Variants in SLC24A2 observed in about 807,000 individuals in gnomAD.
SLC24A2 encodes sodium/potassium/calcium exchanger 2.
A neutral mutation model predicts 62.0 loss-of-function variants in SLC24A2; 36 were observed. The ratio of observed to expected loss-of-function variants is 0.58; its 90% CI spans 0.44 to 0.77. SLC24A2 has a LOEUF of 0.77. SLC24A2 is among the 30% of genes least tolerant of loss of function. The pLI is 0.00. For missense variants in SLC24A2, 846 were observed against 817.9 expected (o/e 1.03, Z -0.42); for synonymous variants, 358 against 294.0 (o/e 1.22, Z -2.23).
the SLC24A2 span, among the ~76,000 whole-genome samples, chr9:19,857,822 G>C: frequency 6.6e-6 from 1 of 151,804 alleles, no homozygotes; most frequent in African/African-American, 2.4e-5. Flanking sequence ...ATCATCTGTG[G>C]ATAAAGAGTA....
chr9:20,276,906 C>T, the SLC24A2 span, among the ~76,000 whole-genome samples: 3 of 152,196 alleles, frequency 2.0e-5, no homozygotes, highest in African/African-American at 7.2e-5. Context: ...GGCACCAAAT[C>T]CCAAGACTGC....
In SLC24A2 at chr9:19,636,390, CCTCTCT is replaced by C. The variant is rs199847385; in HGVS notation, c.931-14097_931-14092del. Among the ~76,000 whole-genome samples the C allele has an allele frequency of 4.5e-5, 3 of 66,974 alleles. No homozygotes were observed. The Admixed American group carries it at 5.3e-4, about 12-fold the overall frequency. 43.9% of individuals were successfully genotyped at this position (66,974 alleles called of 152,430 possible). ...TTCTTTCTTTCTTTCTTTCTTTCTC[CCTCTCT>C]CTCTCTCTCTCTTTCTTTCTTTCCT... is the stretch of plus-strand genomic sequence containing the variant. On this transcript the variant is annotated intron_variant, in intron 2 of 10. Transcript: ENST00000341998.
the SLC24A2 span, among the ~76,000 whole-genome samples, chr9:20,062,317 G>A: frequency 1.3e-5 from 2 of 151,436 alleles, no homozygotes; most frequent in Admixed American, 6.6e-5. Context: ...GAACAGAACA[G>A]AGCCCTCAGA....
the SLC24A2 span, among the ~76,000 whole-genome samples, chr9:20,104,530 G>C: frequency 2.0e-5 from 3 of 152,238 alleles, no homozygotes; most frequent in East Asian, 5.8e-4. Flanking sequence ...CCAGAAGAGA[G>C]TGGGGGCCAA....
the SLC24A2 span, among the ~76,000 whole-genome samples, chr9:20,234,449 C>A: frequency 6.6e-6 from 1 of 152,042 alleles, no homozygotes; most frequent in African/African-American, 2.4e-5. Context: ...TTTCTCTAAC[C>A]TTCTCTTCAC....
chr9:19,964,049 A>G, the SLC24A2 span, among the ~76,000 whole-genome samples: 1 of 152,000 alleles, frequency 6.6e-6, no homozygotes, highest in Non-Finnish European at 1.5e-5. Flanking sequence ...ATAAAAAATG[A>G]TGAGTTCATG....
At chr9:20,130,502 C>T in the SLC24A2 span, among the ~76,000 whole-genome samples, 1 of 151,088 alleles carries the variant, frequency 6.6e-6, no homozygotes, top group East Asian at 2.0e-4. Flanking sequence ...CAAGCAAGAA[C>T]CTAAGGCAGG....
At position 19,730,877 on chromosome 9, in the gene SLC24A2, AG is replaced by A. The variant is rs754815463; in HGVS notation, c.930+55059del. ...TCTACACTTAAATCCTATAACTCTTAGGTTTTTTTTTTTACCTTTGATAATA... is the reference window on the plus strand; with the variant it reads ...TCTACACTTAAATCCTATAACTCTTAGTTTTTTTTTTTACCTTTGATAATA... On this transcript the variant is annotated intron_variant, in intron 2 of 10. Transcript: ENST00000341998. Among the ~76,000 whole-genome samples, 492 of 97,948 alleles carry A rather than the reference AG, an allele frequency of 5.0e-3. 2 individuals carry two copies. Among genetic ancestry groups the A allele is most frequent in the Admixed American group, 8.3e-3 (78 of 9,388 alleles). The allele number at this position is 97,948 out of a possible 152,430, so 64.3% of individuals were successfully genotyped here. A position where few individuals can be genotyped will look rare whatever the true frequency, so the allele number is the denominator to read the frequency against.
the SLC24A2 span, among the ~76,000 whole-genome samples, chr9:19,869,804 T>G: frequency 1.3e-5 from 2 of 152,224 alleles, no homozygotes; most frequent in Non-Finnish European, 2.9e-5. Context: ...AATATCTTTG[T>G]GGATCTTTTG....
intron 2 of SLC24A2, among the ~76,000 whole-genome samples, chr9:19,655,422 CA>C (rs1818917979): frequency 6.6e-6 from 1 of 152,040 alleles, no homozygotes; most frequent in African/African-American, 2.4e-5. Context: ...TTCACAAGAG[CA>C]AAAAATATGT....
At chr9:20,285,585 G>T in the SLC24A2 span, among the ~76,000 whole-genome samples, 5 of 152,172 alleles carry the variant, frequency 3.3e-5, no homozygotes, top group Admixed American at 2.0e-4. Flanking sequence ...GAGGGCCACT[G>T]ATATCAGAGA....
the SLC24A2 span, among the ~76,000 whole-genome samples, chr9:20,112,200 A>G: frequency 6.6e-6 from 1 of 152,212 alleles, no homozygotes; most frequent in Admixed American, 6.5e-5. Context: ...AAATAATTGT[A>G]AACAAGATCT....
chr9:19,584,865 C>T (rs1460570324), intron 5 of SLC24A2, among the ~76,000 whole-genome samples: 1 of 152,034 alleles, frequency 6.6e-6, no homozygotes, highest in Non-Finnish European at 1.5e-5. Flanking sequence ...CTACTTATTA[C>T]AGGGCTACAC....
At chr9:19,840,505 G>C in the SLC24A2 span, among the ~76,000 whole-genome samples, 1 of 152,152 alleles carries the variant, frequency 6.6e-6, no homozygotes, top group African/African-American at 2.4e-5. Context: ...TTTATGACTT[G>C]ATTTCTGGGG....
the SLC24A2 span, among the ~76,000 whole-genome samples, chr9:20,092,786 C>A: frequency 6.6e-6 from 1 of 152,126 alleles, no homozygotes; most frequent in Non-Finnish European, 1.5e-5. Flanking sequence ...TTCTAGTAAA[C>A]AATGCAGTGT....
At chr9:19,528,692 G>T (rs931068246) in intron 8 of SLC24A2, among the ~76,000 whole-genome samples, 26 of 152,136 alleles carry the variant, frequency 1.7e-4, no homozygotes, top group South Asian at 1.2e-3. Flanking sequence ...CACAGAAAAA[G>T]CCACCACCAC....
At chr9:20,098,115 C>G in the SLC24A2 span, among the ~76,000 whole-genome samples, 1 of 152,108 alleles carries the variant, frequency 6.6e-6, no homozygotes, top group African/African-American at 2.4e-5. Context: ...GGGGAAAAGA[C>G]TCAAGGGTCA....
intron 2 of SLC24A2, among the ~76,000 whole-genome samples, chr9:19,680,851 T>TTG (rs72142691): frequency 0.035 from 5,148 of 147,024 alleles, 136 homozygotes; most frequent in African/African-American, 0.081. Context: ...TATACCAGAG[T>TTG]TGTGTGTGTG....
chr9:19,798,307 A>G, the SLC24A2 span, among the ~76,000 whole-genome samples: 1 of 152,214 alleles, frequency 6.6e-6, no homozygotes, highest in African/African-American at 2.4e-5. Flanking sequence ...AAGGCCATTT[A>G]TGAACTTAAC....
Sources: gnomAD v4.1 joint callset for allele counts (sites outside exome capture counted in the v4.1 genomes callset) on GRCh38, gnomAD v4.1.1 for gene constraint, MANE v1.5 for transcripts, NCBI Gene and HGNC (gene_info 2026-07-23, HGNC 2026-07-21) for gene names.